The following KDM2A variants were observed in gnomAD, a reference collection of about 807,000 sequenced individuals.
The protein encoded by KDM2A is lysine-specific demethylase 2A.
A neutral mutation model predicts 137.3 loss-of-function variants in KDM2A; 3 were observed. The ratio of observed to expected loss-of-function variants is 0.02; its 90% CI spans 0.01 to 0.06. KDM2A has a LOEUF of 0.06. Ranked by LOEUF, KDM2A falls within the 10% of genes least tolerant of loss-of-function variation. KDM2A has a pLI of 1.00. For missense variants in KDM2A, 738 were observed against 1,510.6 expected, an observed-to-expected ratio of 0.49 and a Z score of 8.48; for synonymous variants, 512 against 541.5, an observed-to-expected ratio of 0.95 and a Z score of 0.76.
chr11:67,250,219 T>A lies in KDM2A; in HGVS notation c.2189T>A (p.Val730Asp). The change falls in exon 17 of 21, where the codon GTT becomes GAT. Residue 730 changes from valine to aspartate, a missense_variant. Val to Asp is a radical substitution (Grantham distance 152, BLOSUM62 -3). Transcript: ENST00000529006. This position sits in a 1 kb window ranked among gnomAD's most constrained non-coding sequence, Gnocchi z 7.1. The part of the protein sequence containing the change: ...TSMLQLIHDP[V>D]SPRGMVTRSS... The stretch of plus-strand genomic sequence containing the variant: ...ATGCTGCAGCTCATCCATGACCCGG[T>A]TTCCCCCCGGGGTATGGTGACTCGG... 6.2e-7 allele frequency: 1 copy of A among 1,613,618 alleles called. No individual in the cohort carries two copies. Among genetic ancestry groups the A allele is most frequent in the Non-Finnish European group, 8.5e-7 (1 of 1,179,750 alleles).
intron 15 of KDM2A, among the ~76,000 whole-genome samples, chr11:67,248,041 G>A (rs1859303085): frequency 6.6e-6 from 1 of 152,130 alleles, no homozygotes; most frequent in African/African-American, 2.4e-5. Context: ...ATTTTACAGT[G>A]GAGAACACTG....
rs142973788 is a variant in KDM2A, at chr11:67,130,009, C to A, written c.42+8651C>A. On this transcript the variant is annotated intron_variant, in intron 2 of 20. Transcript: ENST00000529006. ...GACAGTTTCACTGTGGTCACTCAGG[C>A]TGGAGTGCAATGGTGCGATCTCTGC... is the stretch of plus-strand genomic sequence containing the variant. Among the ~76,000 whole-genome samples the A allele has an allele frequency of 7.3e-5, 11 of 150,016 alleles. No individual in the cohort carries two copies. In the East Asian group the frequency reaches 2.0e-3, roughly 27 times the overall value.
intron 2 of KDM2A, among the ~76,000 whole-genome samples, chr11:67,135,103 T>C (rs911316529): frequency 6.6e-6 from 1 of 151,678 alleles, no homozygotes; most frequent in Non-Finnish European, 1.5e-5. Flanking sequence ...AGTTTCACTT[T>C]TGTTGCCCAG....
intron 10 of KDM2A, among the ~76,000 whole-genome samples, chr11:67,222,818 A>T (rs1282638307): frequency 1.3e-5 from 2 of 150,604 alleles, no homozygotes; most frequent in African/African-American, 4.9e-5. Flanking sequence ...AGAAAAGGAA[A>T]ATACATATTC....
intron 5 of KDM2A, among the ~76,000 whole-genome samples, chr11:67,203,493 T>C (rs1329050163): frequency 2.0e-5 from 3 of 147,554 alleles, no homozygotes; most frequent in African/African-American, 7.4e-5. Context: ...TATATTAATA[T>C]ATTTTTATAT....
intron 6 of KDM2A, among the ~76,000 whole-genome samples, chr11:67,210,746 C>T (rs996674703): frequency 6.6e-6 from 1 of 151,992 alleles, no homozygotes; most frequent in Admixed American, 6.6e-5. Flanking sequence ...TAAGTAATAA[C>T]GTTTATTTTG....
chr11:67,138,616 AC>A, intron 2 of KDM2A, among the ~76,000 whole-genome samples: 1 of 152,298 alleles, frequency 6.6e-6, no homozygotes, highest in Admixed American at 6.5e-5. Flanking sequence ...TCCCATGTCT[AC>A]CAAAAACACA....
chr11:67,123,554 C>T (rs2136276189), intron 2 of KDM2A, among the ~76,000 whole-genome samples: 1 of 152,142 alleles, frequency 6.6e-6, no homozygotes, highest in East Asian at 1.9e-4. Flanking sequence ...CATAAAACTC[C>T]TTTCCCAGGT....
intron 12 of KDM2A, among the ~76,000 whole-genome samples, chr11:67,239,039 G>T (rs1310214839): frequency 1.3e-5 from 2 of 152,208 alleles, no homozygotes; most frequent in African/African-American, 4.8e-5. Flanking sequence ...TTGTCAGTCC[G>T]AGTGGCTGTG....
At chr11:67,215,068 CTA>C (rs1187329259) in intron 6 of KDM2A, among the ~76,000 whole-genome samples, 1 of 152,098 alleles carries the variant, frequency 6.6e-6, no homozygotes. Context: ...TAGTTATACA[CTA>C]TTGCATAATT....
intron 5 of KDM2A, among the ~76,000 whole-genome samples, chr11:67,199,314 C>G (rs1285839910): frequency 6.6e-6 from 1 of 152,148 alleles, no homozygotes; most frequent in East Asian, 1.9e-4. Context: ...AAGAGTCCCA[C>G]CTCTCTCACT....
intron 2 of KDM2A, among the ~76,000 whole-genome samples, chr11:67,157,574 G>C (rs1050391385): frequency 6.6e-6 from 1 of 151,416 alleles, no homozygotes; most frequent in Non-Finnish European, 1.5e-5. Context: ...GTGAAACCCC[G>C]TCTCTACTAA....
chr11:67,175,831 T>G (rs1856964488), intron 2 of KDM2A, among the ~76,000 whole-genome samples: 1 of 152,206 alleles, frequency 6.6e-6, no homozygotes. Context: ...AAAGTGATTC[T>G]GGGAAACTAT....
chr11:67,254,771 G>A lies in KDM2A; in HGVS notation c.3308-103G>A. The A allele has an allele frequency of 1.8e-6, 2 of 1,084,002 alleles. No individual in the cohort carries two copies. Among genetic ancestry groups the A allele is most frequent in the Non-Finnish European group, 2.7e-6 (2 of 744,368 alleles). The allele number at this position is 1,084,002 out of a possible 1,614,324, so 67.1% of individuals were successfully genotyped here. ...AGCCAGGTAGTTGTGGGACAAAGAG[G>A]GCTTTTGTTTAGCATTTTGAAGGAA... On this transcript the variant is annotated intron_variant, in intron 20 of 20. Coordinates refer to ENST00000529006, the MANE Select transcript of KDM2A (RefSeq NM_012308.3). This position sits in a 1 kb window ranked among gnomAD's most constrained non-coding sequence, Gnocchi z 4.7.
At chr11:67,220,965 C>G (rs1266832731) in intron 10 of KDM2A, among the ~76,000 whole-genome samples, 1 of 151,272 alleles carries the variant, frequency 6.6e-6, no homozygotes, top group African/African-American at 2.4e-5. Flanking sequence ...GTGAAAGATG[C>G]CACCCTTGAA....
At position 67,243,096 on chromosome 11, in the gene KDM2A, A is replaced by AG; in HGVS notation, c.1563+5dup. Reference sequence around the variant, plus strand: ...ACAGTGGCCAAAAAGGGATAAGGTAAGAAACTATTTTCCTTGATCTTTAGG... The same window carrying AG: ...ACAGTGGCCAAAAAGGGATAAGGTAAGGAAACTATTTTCCTTGATCTTTAGG... On this transcript the variant is annotated splice_donor_region_variant and intron_variant, in intron 13 of 20. Coordinates refer to ENST00000529006, the MANE Select transcript of KDM2A (RefSeq NM_012308.3). The AG allele has an allele frequency of 1.9e-6, 3 of 1,603,978 alleles. No homozygotes were observed. The highest frequency in any genetic ancestry group is 2.6e-6 in the Non-Finnish European group (3 of 1,170,914).
chr11:67,226,454 G>C (rs1858547286), intron 10 of KDM2A, among the ~76,000 whole-genome samples: 1 of 152,114 alleles, frequency 6.6e-6, no homozygotes, highest in Admixed American at 6.6e-5. Flanking sequence ...CAGGCGCAGT[G>C]GCTCACGCCT....
At chr11:67,157,513 G>A (rs997230211) in intron 2 of KDM2A, among the ~76,000 whole-genome samples, 2 of 151,786 alleles carry the variant, frequency 1.3e-5, no homozygotes, top group African/African-American at 4.8e-5. Flanking sequence ...GGGAGGCCGA[G>A]GGGGGCGGAT....
At chr11:67,201,582 G>C (rs868141522) in intron 5 of KDM2A, among the ~76,000 whole-genome samples, 4 of 151,728 alleles carry the variant, frequency 2.6e-5, no homozygotes, top group Middle Eastern at 3.4e-3. Flanking sequence ...AGCCTGACCA[G>C]TATGGTGAAA....
Sources: allele counts gnomAD v4.1 joint callset (sites outside exome capture counted in the v4.1 genomes callset), GRCh38; gene constraint gnomAD v4.1.1; non-coding constraint Gnocchi (gnomAD v3.1); transcripts MANE v1.5; gene names NCBI Gene and HGNC (gene_info 2026-07-23, HGNC 2026-07-21).